Variants in FNDC3B observed in about 807,000 individuals in gnomAD.
The protein encoded by FNDC3B is fibronectin type III domain-containing protein 3B.
FNDC3B carries 12 observed loss-of-function variants against 151.5 expected under a neutral mutation model. The ratio of observed to expected loss-of-function variants is 0.08; its 90% CI spans 0.05 to 0.13. The LOEUF (loss-of-function observed/expected upper bound fraction) is 0.13, where lower values mean the gene tolerates loss of function less well. Ranked by LOEUF, FNDC3B falls within the 10% of genes least tolerant of loss-of-function variation. The pLI is 1.00. For missense variants in FNDC3B, 1,214 were observed against 1,505.3 expected (o/e 0.81, Z 3.20); for synonymous variants, 528 against 549.0 (o/e 0.96, Z 0.54).
At chr3:172,118,759 T>TAAATG (rs563822797) in intron 2 of FNDC3B, among the ~76,000 whole-genome samples, 159 of 152,266 alleles carry the variant, frequency 1.0e-3, no homozygotes, top group African/African-American at 3.7e-3. Context: ...TGCAAATACT[T>TAAATG]AAATGAAATT....
At chr3:172,146,642 C>T (rs1478175192) in intron 3 of FNDC3B, among the ~76,000 whole-genome samples, 1 of 152,200 alleles carries the variant, frequency 6.6e-6, no homozygotes, top group Non-Finnish European at 1.5e-5. Context: ...TTTCAGTGTA[C>T]AGGCTGTGTA....
At chr3:172,221,228 G>A (rs1227155660) in intron 3 of FNDC3B, among the ~76,000 whole-genome samples, 5 of 152,112 alleles carry the variant, frequency 3.3e-5, no homozygotes, top group Non-Finnish European at 7.4e-5. Flanking sequence ...TATGTCATAT[G>A]TGAGTAGATA....
chr3:172,366,389 G>C (rs1251297571), intron 23 of FNDC3B, among the ~76,000 whole-genome samples: 1 of 152,052 alleles, frequency 6.6e-6, no homozygotes, highest in Admixed American at 6.6e-5. Context: ...TAAGCATTGA[G>C]AGCTTTGTCT....
intron 3 of FNDC3B, among the ~76,000 whole-genome samples, chr3:172,220,434 T>A (rs62281779): frequency 0.024 from 3,633 of 152,300 alleles, 59 homozygotes; most frequent in South Asian, 0.053. Flanking sequence ...CCTTATCAAA[T>A]ATGATTTGTA....
At chr3:172,189,142 A>G (rs957441126) in intron 3 of FNDC3B, among the ~76,000 whole-genome samples, 1 of 152,212 alleles carries the variant, frequency 6.6e-6, no homozygotes, top group Non-Finnish European at 1.5e-5. Flanking sequence ...AATTTTTGTC[A>G]TAATAATAGA....
chr3:172,171,995 A>G (rs1454293799), intron 3 of FNDC3B, among the ~76,000 whole-genome samples: 1 of 152,152 alleles, frequency 6.6e-6, no homozygotes, highest in Non-Finnish European at 1.5e-5. Flanking sequence ...TTTAAGGTTT[A>G]TTATTTTAAG....
chr3:172,204,526 G>A (rs978042192), intron 3 of FNDC3B, among the ~76,000 whole-genome samples: 13 of 152,270 alleles, frequency 8.5e-5, no homozygotes, highest in African/African-American at 3.1e-4. Context: ...TTTATAATGT[G>A]TTATTAAATG....
At chr3:172,233,602 G>A (rs887064485) in intron 4 of FNDC3B, among the ~76,000 whole-genome samples, 1 of 152,218 alleles carries the variant, frequency 6.6e-6, no homozygotes, top group Non-Finnish European at 1.5e-5. Context: ...GCTTAGCCAA[G>A]CCAGCTGAGC....
chr3:172,235,110 T>A (rs1290917724), intron 4 of FNDC3B, among the ~76,000 whole-genome samples: 1 of 152,112 alleles, frequency 6.6e-6, no homozygotes, highest in African/African-American at 2.4e-5. Flanking sequence ...CAAATTTTTT[T>A]AAAAGGTGAT....
Position 172,283,656 on chromosome 3 carries a change from A to G in FNDC3B, c.791-2270A>G, listed in dbSNP as rs148958904. ...ACCATAGGGTCCTTCAAATTCTACA[A>G]TAACCAGAAATTGAGAACATTTTGT... On this transcript the variant is annotated intron_variant, in intron 6 of 25. Transcript: ENST00000415807. Among the ~76,000 whole-genome samples, 318 of 152,366 alleles carry G rather than the reference A, an allele frequency of 2.1e-3. 7 individuals are homozygous for G. The highest frequency in any genetic ancestry group is 0.018 in the Admixed American group (273 of 15,302).
intron 20 of FNDC3B, 138 bp downstream of exon 20, chr3:172,346,578 T>G (rs1733628198): frequency 2.0e-6 from 1 of 497,524 alleles, no homozygotes; most frequent in Admixed American, 3.8e-5. Context: ...TGTACTATAG[T>G]AATCACCCTT....
chr3:172,094,594 T>C (rs1023532786), intron 1 of FNDC3B, among the ~76,000 whole-genome samples: 2 of 152,172 alleles, frequency 1.3e-5, no homozygotes, highest in African/African-American at 4.8e-5. Flanking sequence ...TTTCTCCTTT[T>C]TGAGTTATTT....
At position 172,247,536 on chromosome 3, in the gene FNDC3B, A is replaced by G; in HGVS notation, c.268A>G (p.Ile90Val). 1 of 1,613,646 alleles carries G rather than the reference A, an allele frequency of 6.2e-7. No individual in the cohort carries two copies. The highest frequency in any genetic ancestry group is 8.5e-7 in the Non-Finnish European group (1 of 1,179,720). ...HVPPGYISQV[I>V]EDSTGVRRVV... is the part of the protein sequence containing the mutation. ...TTCCTTTTGTGTTTTTCTTTAGGTG[A>G]TTGAAGATAGTACTGGAGTCCGCCG... is the stretch of plus-strand genomic sequence containing the variant. Residue 90 changes from isoleucine (I) to valine (V), a missense_variant, in exon 5 of 26, where the codon ATT becomes GTT. Coordinates refer to ENST00000415807, the MANE Select transcript of FNDC3B (RefSeq NM_022763.4).
intron 1 of FNDC3B, among the ~76,000 whole-genome samples, chr3:172,099,898 A>T (rs1363144493): frequency 1.3e-5 from 2 of 152,182 alleles, no homozygotes; most frequent in Non-Finnish European, 2.9e-5. Context: ...GTGTGGAGCA[A>T]CAACTCTCAA....
chr3:172,290,051 A>G (rs1419475738), intron 7 of FNDC3B, among the ~76,000 whole-genome samples: 1 of 152,240 alleles, frequency 6.6e-6, no homozygotes, highest in Non-Finnish European at 1.5e-5. Flanking sequence ...GTATCAGGCC[A>G]TCTGACAGGG....
chr3:172,336,852 G>T (rs576518627), intron 15 of FNDC3B, among the ~76,000 whole-genome samples: 7 of 150,744 alleles, frequency 4.6e-5, no homozygotes, highest in African/African-American at 1.7e-4. Context: ...GCCGTGAGCC[G>T]AGATGGCGCC....
At chr3:172,281,051 A>G (rs1472598146) in intron 6 of FNDC3B, among the ~76,000 whole-genome samples, 3 of 141,552 alleles carry the variant, frequency 2.1e-5, no homozygotes, top group East Asian at 4.0e-4. Context: ...CTTTTTTAGC[A>G]TTTCCAGATA....
chr3:172,392,773 G>A (rs976016451), intron 25 of FNDC3B, among the ~76,000 whole-genome samples: 2 of 143,028 alleles, frequency 1.4e-5, no homozygotes, highest in African/African-American at 5.1e-5. Context: ...CCAATAAAAA[G>A]ACAAAGTAAC....
At chr3:172,110,475 G>A (rs937027293) in intron 1 of FNDC3B, among the ~76,000 whole-genome samples, 2 of 151,908 alleles carry the variant, frequency 1.3e-5, no homozygotes, top group Admixed American at 6.6e-5. Flanking sequence ...TTTACTGTAC[G>A]CTGGCCTAAT....
Sources: gnomAD v4.1 joint callset for allele counts (sites outside exome capture counted in the v4.1 genomes callset) on GRCh38, gnomAD v4.1.1 for gene constraint, MANE v1.5 for transcripts, NCBI Gene and HGNC (gene_info 2026-07-23, HGNC 2026-07-21) for gene names.